Variants in SPON1 observed in about 807,000 individuals in gnomAD.
The protein encoded by SPON1 is spondin-1.
SPON1 carries 52 observed loss-of-function variants against 111.7 expected under a neutral mutation model. That is an observed-to-expected ratio of 0.47 (90% CI 0.37 to 0.59). The LOEUF (loss-of-function observed/expected upper bound fraction) is 0.59, where lower values mean the gene tolerates loss of function less well. Ranked by LOEUF, SPON1 falls within the 20% of genes least tolerant of loss-of-function variation. The pLI is 0.00. For synonymous variants in SPON1, 410 were observed against 395.8 expected, an observed-to-expected ratio of 1.04 and a Z score of -0.43; for missense variants, 957 against 1,068.5, an observed-to-expected ratio of 0.90 and a Z score of 1.46.
At chr11:13,966,676 C>T (rs1848019977) in intron 1 of SPON1, among the ~76,000 whole-genome samples, 1 of 152,120 alleles carries the variant, frequency 6.6e-6, no homozygotes, top group South Asian at 2.1e-4. Flanking sequence ...TTCCTTTGTC[C>T]CACACTGAGA....
intron 11 of SPON1, among the ~76,000 whole-genome samples, chr11:14,258,382 A>T (rs1234937787): frequency 1.3e-5 from 2 of 152,220 alleles, no homozygotes; most frequent in Admixed American, 6.5e-5. Context: ...TATTTGCAAC[A>T]GTGCAAAGGT....
At chr11:14,159,911 G>A (rs1195438344) in intron 6 of SPON1, among the ~76,000 whole-genome samples, 1 of 139,508 alleles carries the variant, frequency 7.2e-6, no homozygotes, top group Non-Finnish European at 1.6e-5. Flanking sequence ...GGTGGGAGGT[G>A]GGGGGGATGG....
chr11:14,061,043 C>G (rs1554919810), intron 3 of SPON1, among the ~76,000 whole-genome samples: 1 of 152,190 alleles, frequency 6.6e-6, no homozygotes, highest in African/African-American at 2.4e-5. Flanking sequence ...AAGCTCCTAT[C>G]TCATGCTAGG....
chr11:14,133,836 G>A (rs1011367939), intron 5 of SPON1, among the ~76,000 whole-genome samples: 1 of 152,182 alleles, frequency 6.6e-6, no homozygotes, highest in African/African-American at 2.4e-5. Flanking sequence ...TTCCCGATGT[G>A]TAGGAAATAA....
chr11:14,166,431 A>G (rs1336967762), intron 6 of SPON1, among the ~76,000 whole-genome samples: 1 of 152,210 alleles, frequency 6.6e-6, no homozygotes, highest in Non-Finnish European at 1.5e-5. Flanking sequence ...GTCTCTGAAA[A>G]CAAAAGGTTT....
intron 3 of SPON1, among the ~76,000 whole-genome samples, chr11:14,052,787 G>A (rs782116942): frequency 6.6e-6 from 1 of 152,198 alleles, no homozygotes; most frequent in Non-Finnish European, 1.5e-5. Flanking sequence ...GATCCCAGGT[G>A]CAGGATCCAG....
chr11:14,030,019 C>A lies in SPON1; in HGVS notation c.346-11502C>A, dbSNP rs139395691. Among the ~76,000 whole-genome samples the A allele has an allele frequency of 2.2e-3, 329 of 152,258 alleles. 2 individuals carry two copies. Among genetic ancestry groups the A allele is most frequent in the African/African-American group, 7.5e-3 (313 of 41,550 alleles). On this transcript the variant is annotated intron_variant, in intron 2 of 15. Coordinates refer to ENST00000576479, the MANE Select transcript of SPON1 (RefSeq NM_006108.4). The stretch of plus-strand genomic sequence containing the variant: ...GTATTGTCTCCTGGTAGGGGGAAAA[C>A]CCCCAAGAGCACTTAAGTGACAAGA...
chr11:14,000,386 C>A (rs1848307735), intron 2 of SPON1, among the ~76,000 whole-genome samples: 1 of 152,156 alleles, frequency 6.6e-6, no homozygotes, highest in Non-Finnish European at 1.5e-5. Context: ...ATTCATCTGA[C>A]TTATCAGCCC....
chr11:14,019,976 A>G (rs782737907), intron 2 of SPON1, among the ~76,000 whole-genome samples: 3 of 152,236 alleles, frequency 2.0e-5, no homozygotes, highest in Non-Finnish European at 4.4e-5. Context: ...AGCAGGTCAC[A>G]TGGTCACCTG....
chr11:14,233,758 CTTTTTTT>C (rs10610600), intron 6 of SPON1, among the ~76,000 whole-genome samples: 1 of 96,848 alleles, frequency 1.0e-5, no homozygotes, highest in Admixed American at 1.3e-4. Context: ...GTTTCTTTTT[CTTTTTTT>C]TTTTTTTTTT....
chr11:14,033,957 G>T (rs1005451875), intron 2 of SPON1, among the ~76,000 whole-genome samples: 1 of 152,092 alleles, frequency 6.6e-6, no homozygotes, highest in Non-Finnish European at 1.5e-5. Context: ...ACCCAAGAAG[G>T]TTTATTTAAA....
At chr11:14,220,747 C>A (rs555826027) in intron 6 of SPON1, among the ~76,000 whole-genome samples, 96 of 152,244 alleles carry the variant, frequency 6.3e-4, no homozygotes, top group African/African-American at 2.2e-3. Flanking sequence ...AAAACAATTT[C>A]TTCTGCATTA....
intron 5 of SPON1, among the ~76,000 whole-genome samples, chr11:14,106,943 G>C (rs2133846554): frequency 6.6e-6 from 1 of 152,250 alleles, no homozygotes; most frequent in East Asian, 1.9e-4. Flanking sequence ...TGCCTGCAGG[G>C]AACACATGAA....
intron 2 of SPON1, among the ~76,000 whole-genome samples, chr11:14,010,309 G>A (rs782769399): frequency 1.3e-5 from 2 of 152,058 alleles, no homozygotes; most frequent in Non-Finnish European, 2.9e-5. Flanking sequence ...CAAAAGATGG[G>A]CCATATAAGA....
intron 6 of SPON1, among the ~76,000 whole-genome samples, chr11:14,160,995 T>TATATCTA (rs1564919858): frequency 1.9e-4 from 2 of 10,582 alleles, no homozygotes; most frequent in African/African-American, 7.2e-4. Context: ...ATATATATTT[T>TATATCTA]TATATATTTA....
At chr11:13,972,432 G>C (rs1554908701) in intron 1 of SPON1, among the ~76,000 whole-genome samples, 5 of 152,162 alleles carry the variant, frequency 3.3e-5, no homozygotes, top group Non-Finnish European at 7.4e-5. Flanking sequence ...GTAGCTGTCA[G>C]CCATTCATGA....
At chr11:14,113,565 T>TA (rs1554925645) in intron 5 of SPON1, among the ~76,000 whole-genome samples, 2,763 of 55,232 alleles carry the variant, frequency 0.05, 979 homozygotes, top group African/African-American at 0.14. Flanking sequence ...ATGTACTTTT[T>TA]AAATTTTTTT....
At position 13,986,973 on chromosome 11, in the gene SPON1, T is replaced by A. The variant is rs80330543; in HGVS notation, c.345+4020T>A. On this transcript the variant is annotated intron_variant, in intron 2 of 15. Coordinates refer to ENST00000576479, the MANE Select transcript of SPON1 (RefSeq NM_006108.4). Reference sequence around the variant, plus strand: ...TTATCCAGTCTATTATTGATGGACATTTGGGTTGGTTCCAACTTTTTGCTA... The same window carrying A: ...TTATCCAGTCTATTATTGATGGACAATTGGGTTGGTTCCAACTTTTTGCTA... Among the ~76,000 whole-genome samples the A allele has an allele frequency of 0.038, 5,815 of 152,328 alleles. 638 individuals are homozygous for A. In the East Asian group the frequency reaches 0.41, roughly 11 times the overall value.
At chr11:14,100,467 TTTG>T (rs1183816140) in intron 5 of SPON1, among the ~76,000 whole-genome samples, 1 of 152,208 alleles carries the variant, frequency 6.6e-6, no homozygotes, top group African/African-American at 2.4e-5. Flanking sequence ...GATCCATTTT[TTTG>T]TTGTTGTTCT....
Sources: gnomAD v4.1 joint callset for allele counts (sites outside exome capture counted in the v4.1 genomes callset) on GRCh38, gnomAD v4.1.1 for gene constraint, MANE v1.5 for transcripts, NCBI Gene and HGNC (gene_info 2026-07-23, HGNC 2026-07-21) for gene names.